SMURF2: variants seen among roughly 807,000 people sequenced by gnomAD.
SMURF2 encodes SMAD specific E3 ubiquitin protein ligase 2.
SMURF2 carries 48 observed loss-of-function variants against 109.6 expected under a neutral mutation model. That is an observed-to-expected ratio of 0.44 (90% CI 0.35 to 0.56). SMURF2 has a LOEUF of 0.56. SMURF2 is among the 20% of genes least tolerant of loss of function. The pLI is 0.01. For synonymous variants in SMURF2, 288 were observed against 317.1 expected (o/e 0.91, Z 0.97); for missense variants, 575 against 909.0 (o/e 0.63, Z 4.72).
intron 1 of SMURF2, among the ~76,000 whole-genome samples, chr17:64,644,602 A>G (rs1318104825): frequency 7.8e-6 from 1 of 128,068 alleles, no homozygotes; most frequent in East Asian, 2.0e-4. Context: ...GTCTCAAAAA[A>G]AAAAAGAAAA....
chr17:64,588,227 G>A (rs1404060851), intron 5 of SMURF2, among the ~76,000 whole-genome samples: 2 of 151,662 alleles, frequency 1.3e-5, no homozygotes, highest in Non-Finnish European at 2.9e-5. Flanking sequence ...GACTTCCCAC[G>A]CTCAAACAAT....
chr17:64,567,751 T>G (rs1969334336), intron 10 of SMURF2, among the ~76,000 whole-genome samples: 1 of 152,074 alleles, frequency 6.6e-6, no homozygotes, highest in African/African-American at 2.4e-5. Context: ...GGTGTGATCT[T>G]GGCTCACTGC....
chr17:64,610,723 T>A (rs1222335820), intron 1 of SMURF2, among the ~76,000 whole-genome samples: 1 of 152,202 alleles, frequency 6.6e-6, no homozygotes, highest in East Asian at 1.9e-4. Context: ...AACTGCACGT[T>A]CTGCACATGT....
intron 5 of SMURF2, among the ~76,000 whole-genome samples, chr17:64,586,612 G>C (rs782516437): frequency 6.6e-6 from 1 of 151,746 alleles, no homozygotes; most frequent in African/African-American, 2.4e-5. Flanking sequence ...TTAGCCAGGC[G>C]TGGTGGTGGG....
intron 1 of SMURF2, among the ~76,000 whole-genome samples, chr17:64,643,156 C>G (rs1970512717): frequency 6.6e-6 from 1 of 152,058 alleles, no homozygotes; most frequent in Admixed American, 6.6e-5. Context: ...TCCCAAGTAG[C>G]TGGGATCACA....
At chr17:64,648,538 A>G (rs1598315725) in intron 1 of SMURF2, among the ~76,000 whole-genome samples, 1 of 152,228 alleles carries the variant, frequency 6.6e-6, no homozygotes, top group Non-Finnish European at 1.5e-5. Flanking sequence ...CTGGGAGGTC[A>G]AGACTGGAGG....
chr17:64,546,503 A>T (rs1968956354), intron 17 of SMURF2, among the ~76,000 whole-genome samples, 165 bp from the exon 18 acceptor site: 1 of 152,242 alleles, frequency 6.6e-6, no homozygotes, highest in Non-Finnish European at 1.5e-5. Context: ...CTGGGTTTTA[A>T]GAGCCAGAAT....
intron 1 of SMURF2, among the ~76,000 whole-genome samples, chr17:64,649,590 C>T (rs1439296645): frequency 1.3e-5 from 2 of 151,786 alleles, no homozygotes; most frequent in Non-Finnish European, 2.9e-5. Flanking sequence ...GCCTGTAATC[C>T]CAGCACTTTG....
In SMURF2 at chr17:64,581,817, C is replaced by G. The variant is rs531955508; in HGVS notation, c.570-826G>C. Among the ~76,000 whole-genome samples the G allele has an allele frequency of 1.3e-5, 2 of 151,748 alleles. No individual in the cohort carries two copies. The highest frequency in any genetic ancestry group is 2.9e-5 in the Non-Finnish European group (2 of 67,932). ...AAAATTAGCCGGGTGTGGGGGCGGG[C>G]GCCTGTAGTCCCAGCTACTCGGGAG... On this transcript the variant is annotated intron_variant, in intron 7 of 18. Coordinates refer to ENST00000262435, the MANE Select transcript of SMURF2 (RefSeq NM_022739.4). The surrounding 1 kb of genome is among the most constrained non-coding windows in gnomAD (Gnocchi z 4.3).
intron 1 of SMURF2, among the ~76,000 whole-genome samples, chr17:64,627,652 G>A (rs1397506413): frequency 2.6e-5 from 4 of 152,060 alleles, no homozygotes; most frequent in Admixed American, 6.6e-5. Flanking sequence ...AGTCTGCTGC[G>A]GCCAATGCAG....
intron 10 of SMURF2, among the ~76,000 whole-genome samples, chr17:64,564,915 G>A (rs1349316663): frequency 2.6e-5 from 4 of 152,192 alleles, no homozygotes; most frequent in East Asian, 1.9e-4. Context: ...AAGTCCCACA[G>A]GGAGGGACAG....
At chr17:64,609,912 CAAAAAAA>C (rs879957059) in intron 1 of SMURF2, among the ~76,000 whole-genome samples, 6 of 134,084 alleles carry the variant, frequency 4.5e-5, no homozygotes, top group African/African-American at 1.3e-4. Context: ...TTTAAATTTA[CAAAAAAA>C]AAAACCCCAT....
chr17:64,603,578 C>CG lies in SMURF2; in HGVS notation c.91+3023dup, dbSNP rs1555688784. Among the ~76,000 whole-genome samples the CG allele has an allele frequency of 1.4e-4, 17 of 120,720 alleles. No homozygotes were observed. In the East Asian group the frequency reaches 1.7e-3, roughly 12 times the overall value. The allele number at this position is 120,720 out of a possible 152,430, so 79.2% of individuals were successfully genotyped here. On this transcript the variant is annotated intron_variant, in intron 2 of 18. Transcript: ENST00000262435. ...GCCGGGGGACAGAGCAAGACTCCGT[C>CG]GGGGGAAAAAAAAAAAAAAAAACAT...
chr17:64,625,345 A>C lies in SMURF2; in HGVS notation c.53-18705T>G, dbSNP rs182745814. On this transcript the variant is annotated intron_variant, in intron 1 of 18. Transcript: ENST00000262435. Reference sequence around the variant, plus strand: ...CATATGCCAAAAAGCACACTTAAGCAAAAATGCAAATGTGTTAAATCCCCA... The same window carrying C: ...CATATGCCAAAAAGCACACTTAAGCCAAAATGCAAATGTGTTAAATCCCCA... 1.8e-3 allele frequency among the ~76,000 whole-genome samples: 272 copies of C among 152,374 alleles called. 1 individual carries two copies. The highest frequency in any genetic ancestry group is 6.3e-3 in the African/African-American group (263 of 41,590).
intron 5 of SMURF2, among the ~76,000 whole-genome samples, chr17:64,590,144 CTTT>C (rs200015210): frequency 1.5e-4 from 21 of 136,884 alleles, no homozygotes; most frequent in Admixed American, 1.5e-4. Flanking sequence ...TTTTTCTTTT[CTTT>C]TTTTTTTTTT....
Position 64,545,050 on chromosome 17 carries a change from CAA to C in SMURF2, c.*796_*797del, listed in dbSNP as rs1968926732. The C allele has an allele frequency of 6.6e-6, 1 of 150,888 alleles. No individual in the cohort carries two copies. Among genetic ancestry groups the C allele is most frequent in the Non-Finnish European group, 1.5e-5 (1 of 67,776 alleles). 9.3% of individuals were successfully genotyped at this position (150,888 alleles called of 1,614,324 possible). The stretch of plus-strand genomic sequence containing the variant: ...TCCAAAATACCTAATCATATTGACT[CAA>C]GATAAAAACATTAGGTTTTTTTTTT... On this transcript the variant is annotated 3_prime_UTR_variant, in exon 19 of 19. Coordinates refer to ENST00000262435, the MANE Select transcript of SMURF2 (RefSeq NM_022739.4).
intron 1 of SMURF2, among the ~76,000 whole-genome samples, chr17:64,650,338 T>C (rs1555693367): frequency 2.0e-5 from 3 of 149,570 alleles, no homozygotes. Flanking sequence ...CACGGGTTTT[T>C]TGTTTTTTGT....
At chr17:64,635,066 C>A (rs1970397512) in intron 1 of SMURF2, among the ~76,000 whole-genome samples, 1 of 152,152 alleles carries the variant, frequency 6.6e-6, no homozygotes, top group Non-Finnish European at 1.5e-5. Flanking sequence ...GTGGCTCACA[C>A]CTGTAATCTC....
rs1337110586 is a variant in SMURF2 at position 64,662,296 on chromosome 17, G to A, written c.-416C>T. On this transcript the variant is annotated 5_prime_UTR_variant, in exon 1 of 19. Transcript: ENST00000262435. ...GGCTCGGCCGCTTCCTCCTCCACCC[G>A]CCCTCTTGTCTGAGGGACCCGGGAC... 2.0e-6 allele frequency: 2 copies of A among 976,684 alleles called. No individual in the cohort carries two copies. The highest frequency in any genetic ancestry group is 2.4e-6 in the Non-Finnish European group (2 of 823,526). The allele number at this position is 976,684 out of a possible 1,614,324, so 60.5% of individuals were successfully genotyped here.
Sources: allele counts gnomAD v4.1 joint callset (sites outside exome capture counted in the v4.1 genomes callset), GRCh38; gene constraint gnomAD v4.1.1; non-coding constraint Gnocchi (gnomAD v3.1); transcripts MANE v1.5; gene names NCBI Gene and HGNC (gene_info 2026-07-23, HGNC 2026-07-21).